Variants in NEDD4 observed in about 807,000 individuals in gnomAD.
NEDD4 encodes NEDD4 E3 ubiquitin protein ligase.
Under a neutral mutation model 144.9 loss-of-function variants are expected in NEDD4, and 99 were observed. The observed-to-expected ratio is 0.68, with a 90% CI of 0.58 to 0.81. The LOEUF is 0.81. NEDD4 is among the 30% of genes least tolerant of loss of function. The pLI, the probability that NEDD4 is intolerant of heterozygous loss-of-function variation, is 0.00. For synonymous variants in NEDD4, 318 were observed against 350.6 expected (o/e 0.91, Z 1.04); for missense variants, 985 against 1,065.9 (o/e 0.92, Z 1.06).
intron 24 of NEDD4, among the ~76,000 whole-genome samples, chr15:55,834,575 G>T (rs1452855250): frequency 1.3e-5 from 2 of 152,126 alleles, no homozygotes; most frequent in African/African-American, 4.8e-5. Flanking sequence ...CAGACTGCTT[G>T]AGCCAAGGAA....
At chr15:55,839,986 AAAAAAAAAAAAAAATATATATATATAT>A (rs1255452987) in intron 21 of NEDD4, among the ~76,000 whole-genome samples, 2 of 51,462 alleles carry the variant, frequency 3.9e-5, no homozygotes, top group African/African-American at 1.6e-4. Context: ...AAAAAAAAAA[AAAAAAAAAAAAAAATATATATATATAT>A]ATATATATAT....
At chr15:55,937,518 T>G (rs1254633388) in intron 4 of NEDD4, among the ~76,000 whole-genome samples, 2 of 152,198 alleles carry the variant, frequency 1.3e-5, no homozygotes, top group African/African-American at 4.8e-5. Context: ...GAAACAAATG[T>G]GTAGCCTGTG....
At chr15:55,884,743 A>C (rs1039889585) in intron 5 of NEDD4, among the ~76,000 whole-genome samples, 4 of 152,144 alleles carry the variant, frequency 2.6e-5, no homozygotes, top group Admixed American at 2.6e-4. Context: ...CTATTTTAAA[A>C]AACACAGTAA....
intron 4 of NEDD4, among the ~76,000 whole-genome samples, chr15:55,939,341 T>C (rs1022552891): frequency 6.6e-6 from 1 of 152,186 alleles, no homozygotes; most frequent in Non-Finnish European, 1.5e-5. Flanking sequence ...CTTTCTCTTC[T>C]GTCTCCTACC....
At chr15:55,933,643 C>A (rs899946741) in intron 4 of NEDD4, among the ~76,000 whole-genome samples, 27 of 151,798 alleles carry the variant, frequency 1.8e-4, no homozygotes, top group Admixed American at 1.5e-3. Context: ...ATGTAACAAA[C>A]CTGCACGTTG....
chr15:55,959,671 A>G (rs2037394980), intron 2 of NEDD4, among the ~76,000 whole-genome samples: 3 of 152,026 alleles, frequency 2.0e-5, no homozygotes, highest in South Asian at 2.1e-4. Flanking sequence ...TTGCTAGGAG[A>G]CTCTTGCTAG....
chr15:55,944,715 C>A (rs541247712), intron 4 of NEDD4, among the ~76,000 whole-genome samples: 3 of 152,324 alleles, frequency 2.0e-5, no homozygotes, highest in African/African-American at 7.2e-5. Context: ...TGTAGCCTAA[C>A]TGGGAGACAC....
intron 4 of NEDD4, among the ~76,000 whole-genome samples, chr15:55,942,939 G>A (rs568767990): frequency 6.6e-6 from 1 of 152,288 alleles, no homozygotes; most frequent in Admixed American, 6.5e-5. Flanking sequence ...AGGTGGTCTC[G>A]AAGACAAGGA....
At chr15:55,920,780 A>T (rs1237366712) in intron 5 of NEDD4, among the ~76,000 whole-genome samples, 4 of 152,216 alleles carry the variant, frequency 2.6e-5, no homozygotes, top group Non-Finnish European at 2.9e-5. Flanking sequence ...TTGTTGCTAT[A>T]CAATCAGGTC....
intron 6 of NEDD4, among the ~76,000 whole-genome samples, chr15:55,873,547 T>C (rs969660499): frequency 1.3e-5 from 2 of 152,244 alleles, no homozygotes; most frequent in African/African-American, 2.4e-5. Context: ...TGTTCTATTT[T>C]GCAATGTTTC....
At chr15:55,844,131 C>T (rs1415837707) in intron 18 of NEDD4, among the ~76,000 whole-genome samples, 1 of 151,872 alleles carries the variant, frequency 6.6e-6, no homozygotes, top group Non-Finnish European at 1.5e-5. Context: ...GACGGAGGAA[C>T]AGCATACATG....
intron 11 of NEDD4, among the ~76,000 whole-genome samples, 184 bp from the exon 12 acceptor site, chr15:55,856,380 C>T (rs767553203): frequency 6.6e-6 from 1 of 152,162 alleles, no homozygotes; most frequent in Admixed American, 6.5e-5. Flanking sequence ...CACCTTCACA[C>T]ATCCAGCTCC....
rs2142011650 is a variant in NEDD4 at position 55,852,434 on chromosome 15, G to A, written c.1136C>T (p.Pro379Leu). Residue 379 changes from proline (P) to leucine (L), a missense_variant, in exon 13 of 29, where the codon CCC becomes CTC. Physicochemically the swap from Pro to Leu is moderately conservative, Grantham distance 98. Transcript: ENST00000435532. ...HNSRTTTWTKPTVQATVETSQ... is the reference protein window; with the variant it reads ...HNSRTTTWTKLTVQATVETSQ... ...TAGATTACAGGATACCTGTACAGTG[G>A]GCTTTGTCCAAGTAGTCGTTCTGGA... 6.2e-7 allele frequency: 1 copy of A among 1,611,364 alleles called. No homozygotes were observed.
In NEDD4 at chr15:55,827,542, T is replaced by G. The variant is rs772399424; in HGVS notation, c.*2355A>C. 20 of 152,178 alleles carry G rather than the reference T, an allele frequency of 1.3e-4. No homozygotes were observed. The highest frequency in any genetic ancestry group is 5.2e-4 in the Admixed American group (8 of 15,276). 9.4% of individuals were successfully genotyped at this position (152,178 alleles called of 1,614,324 possible). A position where few individuals can be genotyped will look rare whatever the true frequency, so the allele number is the denominator to read the frequency against. ...TTGTATTTTCTCATGCTTAGATAGT[T>G]CACAAACATAATATTTAAATAATTG... On this transcript the variant is annotated 3_prime_UTR_variant, in exon 29 of 29. Coordinates refer to ENST00000435532, the MANE Select transcript of NEDD4 (RefSeq NM_006154.4).
intron 5 of NEDD4, chr15:55,905,165 A>G (rs1252745643): frequency 2.6e-6 from 1 of 380,934 alleles, no homozygotes; most frequent in African/African-American, 2.2e-5. Context: ...TATCATCAGC[A>G]TGTTAAGAAT....
In NEDD4 at chr15:55,833,113, G is replaced by C. The variant is rs370778504; in HGVS notation, c.2431-9C>G. ...TCCATCATTAAAACAGCCTGAATAA[G>C]ATAAAAACATCATTTAGGGAACAGC... On this transcript the variant is annotated splice_polypyrimidine_tract_variant and intron_variant, in intron 26 of 28. Transcript: ENST00000435532. 6.4e-7 allele frequency: 1 copy of C among 1,563,580 alleles called. No individual in the cohort carries two copies. Among genetic ancestry groups the C allele is most frequent in the Non-Finnish European group, 8.8e-7 (1 of 1,136,988 alleles).
rs199761730 is a variant in NEDD4, at chr15:55,847,041, T to A, written c.1543-7A>T. 1.3e-6 allele frequency: 2 copies of A among 1,571,216 alleles called. No individual in the cohort carries two copies. Among genetic ancestry groups the A allele is most frequent in the Non-Finnish European group, 1.7e-6 (2 of 1,153,554 alleles). On this transcript the variant is annotated splice_region_variant and splice_polypyrimidine_tract_variant and intron_variant, in intron 17 of 28. Transcript: ENST00000435532. Reference sequence around the variant, plus strand: ...CCCTGGAGTAGGGCACTGCCTTTAGTTGGAAATTTTGGAAAAATAAAGAAG... The same window carrying A: ...CCCTGGAGTAGGGCACTGCCTTTAGATGGAAATTTTGGAAAAATAAAGAAG...
At chr15:55,958,901 TTCTC>T (rs1184630506) in intron 2 of NEDD4, among the ~76,000 whole-genome samples, 1 of 136,772 alleles carries the variant, frequency 7.3e-6, no homozygotes, top group Admixed American at 7.8e-5. Flanking sequence ...AATTAGTGCC[TTCTC>T]TCTAACTCTT....
intron 11 of NEDD4, among the ~76,000 whole-genome samples, chr15:55,856,526 CTT>C (rs1479280772): frequency 8.5e-5 from 13 of 152,186 alleles, no homozygotes; most frequent in African/African-American, 3.1e-4. Context: ...TCTTTTGTCA[CTT>C]TGATTACAAT....
Sources: allele counts gnomAD v4.1 joint callset (sites outside exome capture counted in the v4.1 genomes callset), GRCh38; gene constraint gnomAD v4.1.1; transcripts MANE v1.5; gene names NCBI Gene and HGNC (gene_info 2026-07-23, HGNC 2026-07-21).